FNTB: variants seen among roughly 807,000 people sequenced by gnomAD.
The protein encoded by FNTB is protein farnesyltransferase subunit beta.
A neutral mutation model predicts 59.4 loss-of-function variants in FNTB; 27 were observed. That is an observed-to-expected ratio of 0.45 (90% confidence interval 0.34 to 0.63). FNTB has a LOEUF of 0.63. FNTB is among the 20% of genes least tolerant of loss of function. FNTB has a pLI of 0.02. For missense variants in FNTB, 449 were observed against 559.6 expected, an observed-to-expected ratio of 0.80 and a Z score of 1.99; for synonymous variants, 230 against 220.7, an observed-to-expected ratio of 1.04 and a Z score of -0.37.
chr14:65,000,838 A>AAAAAAAAAAAAAAAAAAAAAAAAAAG lies in FNTB; in HGVS notation c.145-3408_145-3407insAAAAAAAAAAAAAAAAAAAAAAGAAA, dbSNP rs778200008. ...CTCAAAAAAAAAAAAAAAAAAAAAA[A>AAAAAAAAAAAAAAAAAAAAAAAAAAG]AAAGAATAGTTACCCAAAAAGCTGG... is the stretch of plus-strand genomic sequence containing the variant. On this transcript the variant is annotated intron_variant, in intron 1 of 11. Coordinates refer to ENST00000246166, the MANE Select transcript of FNTB (RefSeq NM_002028.4). Among the ~76,000 whole-genome samples, 63 of 116,080 alleles carry AAAAAAAAAAAAAAAAAAAAAAAAAAG rather than the reference A, an allele frequency of 5.4e-4. 6 individuals are homozygous for AAAAAAAAAAAAAAAAAAAAAAAAAAG. Among genetic ancestry groups the AAAAAAAAAAAAAAAAAAAAAAAAAAG allele is most frequent in the Middle Eastern group, 4.3e-3 (1 of 230 alleles). 76.2% of individuals were successfully genotyped at this position (116,080 alleles called of 152,430 possible).
intron 7 of FNTB, among the ~76,000 whole-genome samples, chr14:65,038,769 C>T (rs1014177220): frequency 6.6e-6 from 1 of 152,132 alleles, no homozygotes; most frequent in Non-Finnish European, 1.5e-5. Context: ...TCGTTTCCAT[C>T]TCTTAATCCT....
Position 65,032,885 on chromosome 14 carries a change from A to G in FNTB, c.692+189A>G, listed in dbSNP as rs994113457. 1.3e-5 allele frequency among the ~76,000 whole-genome samples: 2 copies of G among 151,530 alleles called. No individual in the cohort carries two copies. The highest frequency in any genetic ancestry group is 4.8e-5 in the African/African-American group (2 of 41,302). ...TTTTTTCCAAACTTTCTTTAATGTT[A>G]TATTATATTTTAGATTGGCAAAGAT... On this transcript the variant is annotated intron_variant, in intron 7 of 11. Transcript: ENST00000246166. This position sits in a 1 kb window ranked among gnomAD's most constrained non-coding sequence, Gnocchi z 5.0.
chr14:65,031,243 A>G lies in FNTB; in HGVS notation c.606-1367A>G, dbSNP rs2062075355. Among the ~76,000 whole-genome samples the G allele has an allele frequency of 1.3e-5, 2 of 152,154 alleles. No homozygotes were observed. Among genetic ancestry groups the G allele is most frequent in the South Asian group, 2.1e-4 (1 of 4,822 alleles). On this transcript the variant is annotated intron_variant, in intron 6 of 11. Coordinates refer to ENST00000246166, the MANE Select transcript of FNTB (RefSeq NM_002028.4). This position sits in a 1 kb window ranked among gnomAD's most constrained non-coding sequence, Gnocchi z 4.6. ...TGACAGAGGGAGAAGCTGAAATAAA[A>G]TGTGCCCCGAGAAGAATTAGGGCTG...
In FNTB at chr14:65,009,766, T is replaced by C. The variant is rs1373224437; in HGVS notation, c.210-2551T>C. Among the ~76,000 whole-genome samples, 2 of 152,214 alleles carry C rather than the reference T, an allele frequency of 1.3e-5. No homozygotes were observed. Among genetic ancestry groups the C allele is most frequent in the Non-Finnish European group, 2.9e-5 (2 of 68,040 alleles). ...ATGGTGTTTTCTTCATTTTGCCTGC[T>C]TAACTCATGTCTTTCCAGCCTTAAA... On this transcript the variant is annotated intron_variant, in intron 2 of 11. Coordinates refer to ENST00000246166, the MANE Select transcript of FNTB (RefSeq NM_002028.4). The surrounding 1 kb of genome is among the most constrained non-coding windows in gnomAD (Gnocchi z 4.2).
chr14:64,988,556 T>A (rs1243501045), intron 1 of FNTB, among the ~76,000 whole-genome samples: 1 of 146,280 alleles, frequency 6.8e-6, no homozygotes, highest in Admixed American at 7.1e-5. Context: ...TGCCTCAGCC[T>A]CCAGAGTAGC....
In FNTB at chr14:65,056,703, T is replaced by C. The variant is rs78309505; in HGVS notation, c.1182+2014T>C. ...ACTTCAGTTGTTTTCCCTTAAGTAT[T>C]TGTAGTTCTCTGTATATTTTTAATA... On this transcript the variant is annotated intron_variant, in intron 11 of 11. Transcript: ENST00000246166. 1.1e-4 allele frequency among the ~76,000 whole-genome samples: 16 copies of C among 152,346 alleles called. No individual in the cohort carries two copies. In the East Asian group the frequency reaches 2.5e-3, roughly 24 times the overall value.
intron 9 of FNTB, among the ~76,000 whole-genome samples, chr14:65,045,543 G>A (rs2062459036): frequency 2.0e-5 from 3 of 151,792 alleles, no homozygotes; most frequent in Admixed American, 2.0e-4. Flanking sequence ...AGCCTCCTGA[G>A]TAGCTGGGAC....
chr14:65,050,954 A>C (rs2062592953), intron 9 of FNTB, among the ~76,000 whole-genome samples: 1 of 152,248 alleles, frequency 6.6e-6, no homozygotes, highest in African/African-American at 2.4e-5. Context: ...AAGTAAAAGA[A>C]GATAGAGTGA....
chr14:65,053,370 G>A (rs2062654713), intron 10 of FNTB, 21 bp downstream of exon 10: 1 of 1,403,612 alleles, frequency 7.1e-7, no homozygotes, highest in Non-Finnish European at 9.4e-7. Context: ...TCTCTCTGGG[G>A]AGGGAAGGGA....
At position 65,015,626 on chromosome 14, in the gene FNTB, G is replaced by A; in HGVS notation, c.284G>A (p.Cys95Tyr). ...TTTTCTCTCCTGTCTCTCTCCCAGT[G>A]TCTGGATGCCAGCCGCCCATGGCTC... ...GLRQLTDAYECLDASRPWLCY... is the reference protein window; with the variant it reads ...GLRQLTDAYEYLDASRPWLCY... Residue 95 changes from cysteine to tyrosine, a missense_variant and splice_region_variant, in exon 4 of 12, where the codon TGT (cysteine) becomes TAT (tyrosine). By Grantham distance (194) the Cys-to-Tyr change is radical. Transcript: ENST00000246166. The A allele has an allele frequency of 6.2e-7, 1 of 1,614,054 alleles. No homozygotes were observed. Among genetic ancestry groups the A allele is most frequent in the East Asian group, 2.2e-5 (1 of 44,872 alleles).
intron 3 of FNTB, among the ~76,000 whole-genome samples, chr14:65,013,717 T>C (rs1403997842): frequency 1.3e-5 from 2 of 152,224 alleles, no homozygotes; most frequent in South Asian, 2.1e-4. Flanking sequence ...CTGGCTAATT[T>C]TTGTATTTTT....
rs149638856 is a variant in FNTB, at chr14:65,052,325, T to G, written c.956-913T>G. Among the ~76,000 whole-genome samples, 46 of 152,282 alleles carry G rather than the reference T, an allele frequency of 3.0e-4. 1 individual carries two copies. In the East Asian group the frequency reaches 8.7e-3, roughly 29 times the overall value. ...GAAAAACGCATAGAACCAAAAAGACTGGAAGAAAGAACAATTAGCTTTCAG... is the reference window on the plus strand; with the variant it reads ...GAAAAACGCATAGAACCAAAAAGACGGGAAGAAAGAACAATTAGCTTTCAG... On this transcript the variant is annotated intron_variant, in intron 9 of 11. Transcript: ENST00000246166.
At chr14:65,006,661 C>A (rs1032053117) in intron 2 of FNTB, among the ~76,000 whole-genome samples, 4 of 152,236 alleles carry the variant, frequency 2.6e-5, no homozygotes, top group African/African-American at 7.2e-5. Flanking sequence ...ACTGCCTGGG[C>A]TCTGGGGACA....
chr14:65,044,437 G>A lies in FNTB; in HGVS notation c.949G>A (p.Ala317Thr), dbSNP rs764500262. 5 of 1,607,662 alleles carry A rather than the reference G, an allele frequency of 3.1e-6. No individual in the cohort carries two copies. The South Asian group carries it at 3.3e-5, about 11-fold the overall frequency. Residue 317 changes from alanine (A) to threonine (T), a missense_variant, in exon 9 of 12, where the codon GCC becomes ACC. Physicochemically the swap from Ala to Thr is moderately conservative, Grantham distance 58. Around this residue, in one of 2 missense-constraint regions of FNTB, gnomAD observed 337 missense variants for 479.1 expected, o/e 0.70. Coordinates refer to ENST00000246166, the MANE Select transcript of FNTB (RefSeq NM_002028.4). This position sits in a 1 kb window ranked among gnomAD's most constrained non-coding sequence, Gnocchi z 5.5. ...LLPLLHRALH[A>T]QGDPALSMSH... ...GCCCCTGCTCCACCGCGCACTGCAC[G>A]CCCAAGGTGAGCCTGGGGAGCTGTT...
In FNTB at chr14:65,047,774, C is replaced by T. The variant is rs1185974440; in HGVS notation, c.955+3331C>T. On this transcript the variant is annotated intron_variant, in intron 9 of 11. Coordinates refer to ENST00000246166, the MANE Select transcript of FNTB (RefSeq NM_002028.4). This position sits in a 1 kb window ranked among gnomAD's most constrained non-coding sequence, Gnocchi z 5.2. ...GTTAAATAATAAAAATCTCTCCAAA[C>T]AGTAGCTGCATACCATGGGCTGATA... Among the ~76,000 whole-genome samples the T allele has an allele frequency of 2.0e-5, 3 of 152,182 alleles. No homozygotes were observed. Among genetic ancestry groups the T allele is most frequent in the East Asian group, 3.9e-4 (2 of 5,160 alleles).
In FNTB at chr14:65,027,903, G is replaced by T; in HGVS notation, c.605+122G>T. ...TGCTTTGTCCCAGAATGACACATGG[G>T]ATGACATGTCAGTGACACGTCAGAA... On this transcript the variant is annotated intron_variant, in intron 6 of 11. Coordinates refer to ENST00000246166, the MANE Select transcript of FNTB (RefSeq NM_002028.4). The surrounding 1 kb of genome is among the most constrained non-coding windows in gnomAD (Gnocchi z 5.7). 1 of 1,275,384 alleles carries T rather than the reference G, an allele frequency of 7.8e-7. No homozygotes were observed. The highest frequency in any genetic ancestry group is 1.1e-6 in the Non-Finnish European group (1 of 905,942). 79.0% of individuals were successfully genotyped at this position (1,275,384 alleles called of 1,614,324 possible). A position where few individuals can be genotyped will look rare whatever the true frequency, so the allele number is the denominator to read the frequency against.
intron 9 of FNTB, among the ~76,000 whole-genome samples, chr14:65,052,475 T>TA (rs1361788277): frequency 6.6e-6 from 1 of 152,250 alleles, no homozygotes; most frequent in Admixed American, 6.5e-5. Flanking sequence ...TGTATATATA[T>TA]TTTTAATCGA....
chr14:65,026,844 C>T lies in FNTB; in HGVS notation c.375-609C>T, dbSNP rs372528938. Among the ~76,000 whole-genome samples, 9 of 151,098 alleles carry T rather than the reference C, an allele frequency of 6.0e-5. No individual in the cohort carries two copies. The South Asian group carries it at 8.4e-4, about 14-fold the overall frequency. ...ACCACTGCACTGCAGCCTGGGCGAC[C>T]GAGGGCAACCCCGCCTCAAAAAAAA... On this transcript the variant is annotated intron_variant, in intron 4 of 11. Coordinates refer to ENST00000246166, the MANE Select transcript of FNTB (RefSeq NM_002028.4).
chr14:65,014,739 G>A lies in FNTB; in HGVS notation c.283-886G>A, dbSNP rs568631917. On this transcript the variant is annotated intron_variant, in intron 3 of 11. Coordinates refer to ENST00000246166, the MANE Select transcript of FNTB (RefSeq NM_002028.4). This position sits in a 1 kb window ranked among gnomAD's most constrained non-coding sequence, Gnocchi z 5.1. ...TGAGGTGGGAGGATTGCTTGAGCCC[G>A]GGAGGTTGAGGCTGCAGTGAGCTGA... 1.6e-4 allele frequency among the ~76,000 whole-genome samples: 25 copies of A among 152,180 alleles called. No homozygotes were observed. The highest frequency in any genetic ancestry group is 6.2e-4 in the South Asian group (3 of 4,818).
Sources: allele counts gnomAD v4.1 joint callset (sites outside exome capture counted in the v4.1 genomes callset), GRCh38; gene constraint gnomAD v4.1.1; regional missense constraint gnomAD v4.1.1; non-coding constraint Gnocchi (gnomAD v3.1); transcripts MANE v1.5; gene names NCBI Gene and HGNC (gene_info 2026-07-23, HGNC 2026-07-21).